GABBR2: variants seen among roughly 807,000 people sequenced by gnomAD.
GABBR2 encodes G-protein coupled receptor 51.
A neutral mutation model predicts 105.6 loss-of-function variants in GABBR2; 23 were observed. That is an observed-to-expected ratio of 0.22 (90% CI 0.16 to 0.31). The LOEUF (loss-of-function observed/expected upper bound fraction) is 0.31, where lower values mean the gene tolerates loss of function less well. GABBR2 is among the 10% of genes least tolerant of loss of function. GABBR2 has a pLI of 1.00. For synonymous variants in GABBR2, 478 were observed against 499.7 expected (o/e 0.96, Z 0.58); for missense variants, 734 against 1,245.5 (o/e 0.59, Z 6.18).
intron 3 of GABBR2, among the ~76,000 whole-genome samples, chr9:98,497,154 A>C (rs10818988): frequency 0.61 from 92,057 of 152,078 alleles, 28,752 homozygotes; most frequent in African/African-American, 0.68. Context: ...GTAATCCCAG[A>C]GCTTTGGGAG....
At chr9:98,436,076 G>A (rs1260917215) in intron 7 of GABBR2, among the ~76,000 whole-genome samples, 1 of 150,800 alleles carries the variant, frequency 6.6e-6, no homozygotes, top group Admixed American at 6.6e-5. Context: ...CATACTATAG[G>A]TGGTTGTAAA....
intron 1 of GABBR2, among the ~76,000 whole-genome samples, chr9:98,678,050 G>A (rs1236045602): frequency 1.3e-5 from 2 of 152,052 alleles, no homozygotes; most frequent in Admixed American, 6.6e-5. Flanking sequence ...CTCTCTGGAC[G>A]GAACTCTCGT....
intron 13 of GABBR2, among the ~76,000 whole-genome samples, chr9:98,339,268 T>C (rs1446780417): frequency 7.1e-6 from 1 of 141,458 alleles, no homozygotes; most frequent in African/African-American, 2.7e-5. Flanking sequence ...AATTTTATGA[T>C]ATGTGAATTA....
At chr9:98,444,876 C>CGT (rs561060215) in intron 7 of GABBR2, among the ~76,000 whole-genome samples, 109 of 98,972 alleles carry the variant, frequency 1.1e-3, no homozygotes, top group South Asian at 9.9e-3. Context: ...CATGCGCGCG[C>CGT]GCGCACACAC....
In GABBR2 at chr9:98,586,489, G is replaced by A. The variant is rs779131278; in HGVS notation, c.322-8417C>T. ...TAACTTTCGTATTTTTAGTAGAGAC[G>A]AGGTTCTGCCATGTTGACCAGGCTG... On this transcript the variant is annotated intron_variant, in intron 1 of 18. Transcript: ENST00000259455. Among the ~76,000 whole-genome samples the A allele has an allele frequency of 1.5e-4, 23 of 152,022 alleles. No homozygotes were observed. The East Asian group carries it at 3.5e-3, about 23-fold the overall frequency.
chr9:98,639,376 G>A (rs113777910), intron 1 of GABBR2, among the ~76,000 whole-genome samples: 1,536 of 152,240 alleles, frequency 0.01, 15 homozygotes, highest in Middle Eastern at 0.017. Context: ...GCATGTTTGG[G>A]TTGACCTGCA....
At chr9:98,693,395 T>C (rs1273165683) in intron 1 of GABBR2, among the ~76,000 whole-genome samples, 3 of 152,206 alleles carry the variant, frequency 2.0e-5, no homozygotes, top group Non-Finnish European at 4.4e-5. Flanking sequence ...GGCTCCAGTA[T>C]CAGCTATATC....
chr9:98,404,799 G>A (rs1028398186), intron 8 of GABBR2, among the ~76,000 whole-genome samples: 2 of 151,900 alleles, frequency 1.3e-5, no homozygotes, highest in Admixed American at 1.3e-4. Context: ...CGCATGACCC[G>A]GTTTCTTCAA....
chr9:98,504,840 G>C (rs1345545856), intron 3 of GABBR2, among the ~76,000 whole-genome samples: 1 of 152,198 alleles, frequency 6.6e-6, no homozygotes, highest in Non-Finnish European at 1.5e-5. Flanking sequence ...GGATAAACAG[G>C]CATTTGAAAC....
chr9:98,415,953 A>C (rs1307686005), intron 7 of GABBR2, among the ~76,000 whole-genome samples: 2 of 152,136 alleles, frequency 1.3e-5, no homozygotes, highest in African/African-American at 2.4e-5. Context: ...CTTGGGCTAG[A>C]GGGATGGTGT....
At chr9:98,390,514 G>A (rs568929617) in intron 9 of GABBR2, among the ~76,000 whole-genome samples, 1 of 151,988 alleles carries the variant, frequency 6.6e-6, no homozygotes, top group African/African-American at 2.4e-5. Flanking sequence ...TTAATGTGAA[G>A]CCTTAAGCAA....
chr9:98,424,343 G>T (rs2131559792), intron 7 of GABBR2, among the ~76,000 whole-genome samples: 1 of 151,516 alleles, frequency 6.6e-6, no homozygotes, highest in East Asian at 1.9e-4. Context: ...AAAATAATAA[G>T]AGCTATCTAT....
At chr9:98,602,184 T>A (rs1232014321) in intron 1 of GABBR2, among the ~76,000 whole-genome samples, 3 of 148,786 alleles carry the variant, frequency 2.0e-5, no homozygotes, top group Non-Finnish European at 4.5e-5. Flanking sequence ...TTTTTTTTAA[T>A]TGTTGGTGGC....
rs553922036 is a variant in GABBR2 at position 98,611,098 on chromosome 9, C to T, written c.322-33026G>A. Among the ~76,000 whole-genome samples, 28 of 152,326 alleles carry T rather than the reference C, an allele frequency of 1.8e-4. No individual in the cohort carries two copies. The South Asian group carries it at 5.6e-3, about 30-fold the overall frequency. On this transcript the variant is annotated intron_variant, in intron 1 of 18. Transcript: ENST00000259455. ...TCTGTCCAGGGAGGTCATTCCTCCC[C>T]GCTGCCTACAGAACCACCATCCTGT...
At chr9:98,573,111 C>T (rs1288517432) in intron 2 of GABBR2, among the ~76,000 whole-genome samples, 1 of 152,174 alleles carries the variant, frequency 6.6e-6, no homozygotes, top group Non-Finnish European at 1.5e-5. Flanking sequence ...GTCCACCTAT[C>T]CTCTGCACTT....
At chr9:98,438,987 A>G (rs1199620515) in intron 7 of GABBR2, among the ~76,000 whole-genome samples, 1 of 152,146 alleles carries the variant, frequency 6.6e-6, no homozygotes, top group Non-Finnish European at 1.5e-5. Flanking sequence ...TAACATAAAG[A>G]TAAAGCAATA....
intron 8 of GABBR2, among the ~76,000 whole-genome samples, chr9:98,397,844 G>A (rs1832321439): frequency 6.6e-6 from 1 of 152,156 alleles, no homozygotes; most frequent in South Asian, 2.1e-4. Flanking sequence ...CAGGGCTTCT[G>A]ATTCCTGCTG....
At chr9:98,663,499 A>G (rs909361378) in intron 1 of GABBR2, among the ~76,000 whole-genome samples, 2 of 152,146 alleles carry the variant, frequency 1.3e-5, no homozygotes, top group African/African-American at 4.8e-5. Flanking sequence ...AATAGCAGTC[A>G]GGGGCCTGGT....
chr9:98,632,884 T>G (rs1283523773), intron 1 of GABBR2, among the ~76,000 whole-genome samples: 4 of 152,238 alleles, frequency 2.6e-5, no homozygotes, highest in Non-Finnish European at 5.9e-5. Context: ...GTTTCATTCG[T>G]TCACTCAACA....
Sources: gnomAD v4.1 joint callset for allele counts (sites outside exome capture counted in the v4.1 genomes callset) on GRCh38, gnomAD v4.1.1 for gene constraint, MANE v1.5 for transcripts, NCBI Gene and HGNC (gene_info 2026-07-23, HGNC 2026-07-21) for gene names.